Variants in TTLL5 observed in about 807,000 individuals in gnomAD.
TTLL5 encodes the protein tubulin polyglutamylase TTLL5.
In TTLL5, 132 loss-of-function variants were observed where a neutral mutation model predicts 168.4. The observed-to-expected ratio is 0.78, with a 90% confidence interval of 0.68 to 0.91. The LOEUF (loss-of-function observed/expected upper bound fraction) is 0.91. Ranked by LOEUF, TTLL5 falls within the 40% of genes least tolerant of loss-of-function variation. TTLL5 has a pLI of 0.00. For missense variants in TTLL5, 1,545 were observed against 1,581.5 expected, an observed-to-expected ratio of 0.98 and a Z score of 0.39; for synonymous variants, 546 against 558.6, an observed-to-expected ratio of 0.98 and a Z score of 0.32.
In TTLL5 at chr14:75,787,315, GAA is replaced by G. The variant is rs575780391; in HGVS notation, c.2986+3787_2986+3788del. 3.9e-5 allele frequency among the ~76,000 whole-genome samples: 6 copies of G among 152,132 alleles called. No individual in the cohort carries two copies. In the South Asian group the frequency reaches 1.2e-3, roughly 32 times the overall value. On this transcript the variant is annotated intron_variant, in intron 26 of 31. Coordinates refer to ENST00000298832, the MANE Select transcript of TTLL5 (RefSeq NM_015072.5). ...GTTTAAAAGTAAAAAATTGAAAAAA[GAA>G]ATACGAGATGAGTACTAACCAGAAG...
At chr14:75,672,026 G>A (rs557681966) in intron 3 of TTLL5, among the ~76,000 whole-genome samples, 10 of 152,300 alleles carry the variant, frequency 6.6e-5, no homozygotes, top group African/African-American at 2.4e-4. Flanking sequence ...CCTTTGTCAT[G>A]TTGAGAAAGT....
intron 28 of TTLL5, among the ~76,000 whole-genome samples, chr14:75,846,756 CT>C (rs1276297138): frequency 7.1e-6 from 1 of 141,598 alleles, no homozygotes; most frequent in Non-Finnish European, 1.5e-5. Flanking sequence ...CACCATTGCA[CT>C]CCAGCCTGGG....
chr14:75,940,737 T>C (rs1292005736), intron 31 of TTLL5, among the ~76,000 whole-genome samples: 1 of 152,220 alleles, frequency 6.6e-6, no homozygotes, highest in Non-Finnish European at 1.5e-5. Flanking sequence ...TTTGAAAGTC[T>C]TTCAGAGATT....
chr14:75,844,044 G>A (rs1388524336), intron 28 of TTLL5, among the ~76,000 whole-genome samples: 2 of 151,268 alleles, frequency 1.3e-5, no homozygotes, highest in Non-Finnish European at 3.0e-5. Flanking sequence ...CACTACTCCC[G>A]GCTAATTTTT....
At chr14:75,739,544 T>C (rs745425988) in intron 15 of TTLL5, among the ~76,000 whole-genome samples, 1 of 152,210 alleles carries the variant, frequency 6.6e-6, no homozygotes, top group Non-Finnish European at 1.5e-5. Flanking sequence ...ATATTTCTCC[T>C]TTCTCTTTAA....
chr14:75,814,150 A>C (rs1250698977), intron 27 of TTLL5, among the ~76,000 whole-genome samples: 2 of 152,230 alleles, frequency 1.3e-5, no homozygotes, highest in Non-Finnish European at 2.9e-5. Flanking sequence ...AAATACAAAA[A>C]AATCTGAAAT....
chr14:75,667,761 T>TTG (rs1485620698), intron 2 of TTLL5, among the ~76,000 whole-genome samples: 3 of 143,818 alleles, frequency 2.1e-5, no homozygotes, highest in Non-Finnish European at 4.6e-5. Context: ...GTTTTTTTTT[T>TTG]TTTTTTTTTT....
intron 28 of TTLL5, among the ~76,000 whole-genome samples, chr14:75,859,524 G>C (rs73317403): frequency 0.015 from 2,288 of 152,278 alleles, 55 homozygotes; most frequent in African/African-American, 0.052. Context: ...TCTTGGCTCT[G>C]TGTACTCTGT....
intron 2 of TTLL5, among the ~76,000 whole-genome samples, chr14:75,667,798 G>C (rs1883398230): frequency 8.4e-6 from 1 of 118,550 alleles, no homozygotes; most frequent in Non-Finnish European, 1.6e-5. Flanking sequence ...GTCTTGCTCT[G>C]TTGCCAGGCT....
intron 13 of TTLL5, among the ~76,000 whole-genome samples, chr14:75,732,997 T>G (rs1888640306): frequency 6.6e-6 from 1 of 152,246 alleles, no homozygotes. Flanking sequence ...ACAGCCAGAA[T>G]TTCTGTTCGC....
At chr14:75,736,930 A>G (rs1215721602) in intron 15 of TTLL5, among the ~76,000 whole-genome samples, 1 of 152,216 alleles carries the variant, frequency 6.6e-6, no homozygotes, top group Non-Finnish European at 1.5e-5. Context: ...GGTGTACTAG[A>G]AAAACTTAAT....
chr14:75,951,673 G>A (rs1245318842), intron 31 of TTLL5, among the ~76,000 whole-genome samples: 1 of 152,152 alleles, frequency 6.6e-6, no homozygotes, highest in African/African-American at 2.4e-5. Flanking sequence ...GAGGTGGGAG[G>A]ATTGCCTGAG....
intron 29 of TTLL5, among the ~76,000 whole-genome samples, chr14:75,875,208 C>T (rs1254929610): frequency 4.1e-5 from 6 of 148,114 alleles, no homozygotes; most frequent in South Asian, 4.4e-4. Flanking sequence ...GCTGGGATTA[C>T]AGGCGTGAGC....
At chr14:75,701,943 G>T (rs949365692) in intron 7 of TTLL5, among the ~76,000 whole-genome samples, 1 of 152,182 alleles carries the variant, frequency 6.6e-6, no homozygotes, top group South Asian at 2.1e-4. Context: ...AAGGGCAGGG[G>T]TAGGTAGATG....
chr14:75,689,337 C>G (rs1885285771), intron 5 of TTLL5: 1 of 152,220 alleles, frequency 6.6e-6, no homozygotes, highest in African/African-American at 2.4e-5. Flanking sequence ...TCTCTCACTC[C>G]CACATTCCTG....
chr14:75,841,842 A>G (rs1398402388), intron 28 of TTLL5, among the ~76,000 whole-genome samples: 1 of 152,196 alleles, frequency 6.6e-6, no homozygotes, highest in East Asian at 1.9e-4. Context: ...ATCTTCTCAG[A>G]GGTAGCTATA....
chr14:75,876,317 G>A (rs4400976), intron 29 of TTLL5, among the ~76,000 whole-genome samples: 132,179 of 152,274 alleles, frequency 0.87, 57,451 homozygotes, highest in East Asian at 0.92. Context: ...CTTCTTAAAT[G>A]TTGGCAAGTA....
intron 31 of TTLL5, among the ~76,000 whole-genome samples, chr14:75,952,310 A>T (rs1185673660): frequency 6.6e-6 from 1 of 152,008 alleles, no homozygotes; most frequent in Admixed American, 6.5e-5. Flanking sequence ...CCCCATCTGC[A>T]CCAAAAAAAA....
At chr14:75,719,664 T>G in intron 10 of TTLL5, 71 bp from the exon 11 acceptor site, 1 of 1,336,600 alleles carries the variant, frequency 7.5e-7, no homozygotes, top group Non-Finnish European at 1.0e-6. Flanking sequence ...AAGAAGGCTA[T>G]TTGCAAAGAG....
Sources: allele counts gnomAD v4.1 joint callset (sites outside exome capture counted in the v4.1 genomes callset), GRCh38; gene constraint gnomAD v4.1.1; transcripts MANE v1.5; gene names NCBI Gene and HGNC (gene_info 2026-07-23, HGNC 2026-07-21).